Variants in FRYL observed in about 807,000 individuals in gnomAD.
The protein encoded by FRYL is protein furry homolog-like.
Under a neutral mutation model 351.2 loss-of-function variants are expected in FRYL, and 150 were observed. That is an observed-to-expected ratio of 0.43 (90% CI 0.37 to 0.49). The LOEUF is 0.49. Ranked by LOEUF, FRYL falls within the 20% of genes least tolerant of loss-of-function variation. The pLI is 0.00. For missense variants in FRYL, 3,036 were observed against 3,619.3 expected (o/e 0.84, Z 4.13); for synonymous variants, 1,153 against 1,257.1 (o/e 0.92, Z 1.75).
intron 2 of FRYL, among the ~76,000 whole-genome samples, chr4:48,694,450 C>G (rs1042397807): frequency 3.3e-5 from 5 of 152,002 alleles, no homozygotes; most frequent in African/African-American, 1.2e-4. Context: ...GCATGTGCCA[C>G]TGCGCCCAGC....
intron 2 of FRYL, among the ~76,000 whole-genome samples, chr4:48,687,071 G>A (rs1197712942): frequency 6.6e-6 from 1 of 152,100 alleles, no homozygotes. Flanking sequence ...TTACTTGCAG[G>A]ACAATCACTT....
intron 3 of FRYL, among the ~76,000 whole-genome samples, chr4:48,662,968 T>A (rs1342441511): frequency 6.6e-6 from 1 of 151,856 alleles, no homozygotes. Context: ...CTACAAAAAA[T>A]AAAAAAGAAG....
At chr4:48,610,833 TATAC>T (rs1748016949) in intron 7 of FRYL, among the ~76,000 whole-genome samples, 1 of 149,474 alleles carries the variant, frequency 6.7e-6, no homozygotes, top group South Asian at 2.1e-4. Flanking sequence ...ACTCAATATG[TATAC>T]ATATATACAC....
At chr4:48,531,755 G>A (rs1466490101) in intron 49 of FRYL, among the ~76,000 whole-genome samples, 1 of 152,174 alleles carries the variant, frequency 6.6e-6, no homozygotes, top group Non-Finnish European at 1.5e-5. Context: ...AGTCTTTGCA[G>A]ATAAAAATTT....
rs1718778786 is a variant in FRYL at position 48,498,004 on chromosome 4, G to C, written c.*1418C>G. ...AGCCCAGTTTAAAAGAAAAGTCACAGTGGATAAGAGATGTATATAAAAAAT... is the reference window on the plus strand; with the variant it reads ...AGCCCAGTTTAAAAGAAAAGTCACACTGGATAAGAGATGTATATAAAAAAT... On this transcript the variant is annotated 3_prime_UTR_variant, in exon 64 of 64. Transcript: ENST00000358350. The C allele has an allele frequency of 1.3e-5, 2 of 152,116 alleles. No homozygotes were observed. The highest frequency in any genetic ancestry group is 1.3e-4 in the Admixed American group (2 of 15,238). 9.4% of individuals were successfully genotyped at this position (152,116 alleles called of 1,614,324 possible).
At chr4:48,635,871 C>T (rs1754130300) in intron 3 of FRYL, among the ~76,000 whole-genome samples, 1 of 152,038 alleles carries the variant, frequency 6.6e-6, no homozygotes, top group Non-Finnish European at 1.5e-5. Flanking sequence ...CACTGATTTC[C>T]TGTGTTTGTG....
intron 3 of FRYL, among the ~76,000 whole-genome samples, chr4:48,650,733 C>T (rs990921439): frequency 2.0e-5 from 3 of 152,094 alleles, no homozygotes; most frequent in Admixed American, 1.3e-4. Flanking sequence ...AAGGGAGGGA[C>T]ATGAAGAGCC....
intron 45 of FRYL, among the ~76,000 whole-genome samples, chr4:48,541,766 T>A (rs1409512845): frequency 6.6e-6 from 1 of 152,140 alleles, no homozygotes; most frequent in Non-Finnish European, 1.5e-5. Context: ...AACAGGATGC[T>A]GAATCCTGAA....
At chr4:48,708,894 T>G (rs539914334) in intron 2 of FRYL, among the ~76,000 whole-genome samples, 19 of 148,860 alleles carry the variant, frequency 1.3e-4, no homozygotes, top group African/African-American at 4.2e-4. Context: ...ACACTTAGCT[T>G]CAAAAGGTAT....
chr4:48,758,469 C>T (rs1294656743), intron 1 of FRYL, among the ~76,000 whole-genome samples: 3 of 152,182 alleles, frequency 2.0e-5, no homozygotes, highest in Non-Finnish European at 4.4e-5. Context: ...AGCCAACAGA[C>T]ACATGAAAAA....
chr4:48,572,848 T>A (rs1411056649), intron 26 of FRYL, among the ~76,000 whole-genome samples: 2 of 152,202 alleles, frequency 1.3e-5, no homozygotes, highest in South Asian at 2.1e-4. Flanking sequence ...CTCCTTTTTT[T>A]ATGTAGTTTA....
Position 48,515,400 on chromosome 4 carries a change from T to TC in FRYL, c.7690-126dup. On this transcript the variant is annotated intron_variant, in intron 55 of 63. Coordinates refer to ENST00000358350, the MANE Select transcript of FRYL (RefSeq NM_015030.2). The stretch of plus-strand genomic sequence containing the variant: ...AAGTGGTGTTCATTTATACAGTCTG[T>TC]CACCCAGGCTGGAGTGGAGTGCAAT... 9 of 708,500 alleles carry TC rather than the reference T, an allele frequency of 1.3e-5. No homozygotes were observed. In the South Asian group the frequency reaches 1.8e-4, roughly 14 times the overall value. 43.9% of individuals were successfully genotyped at this position (708,500 alleles called of 1,614,324 possible). A position where few individuals can be genotyped will look rare whatever the true frequency, so the allele number is the denominator to read the frequency against.
In FRYL at chr4:48,618,012, A is replaced by T. The variant is rs1262612414; in HGVS notation, c.411+1262T>A. 3 of 152,252 alleles carry T rather than the reference A, an allele frequency of 2.0e-5. No individual in the cohort carries two copies. In the East Asian group the frequency reaches 5.8e-4, roughly 29 times the overall value. The allele number at this position is 152,252 out of a possible 1,614,324, so 9.4% of individuals were successfully genotyped here. On this transcript the variant is annotated intron_variant, in intron 7 of 63. Transcript: ENST00000358350. ...GATACACCAGGGATAAATCACAATG[A>T]GCAGTAGTCAGAGTCCATTGCTGGG...
At chr4:48,516,612 C>T (rs934035494) in intron 55 of FRYL, among the ~76,000 whole-genome samples, 8 of 152,082 alleles carry the variant, frequency 5.3e-5, no homozygotes, top group African/African-American at 1.7e-4. Flanking sequence ...AAAGTCAGAG[C>T]CTATAACCCT....
chr4:48,610,391 C>T (rs750748427), intron 7 of FRYL, among the ~76,000 whole-genome samples: 1 of 151,866 alleles, frequency 6.6e-6, no homozygotes, highest in Non-Finnish European at 1.5e-5. Context: ...CCCTACTCCT[C>T]CACCACATAT....
intron 1 of FRYL, among the ~76,000 whole-genome samples, chr4:48,736,850 G>GAAAAAAAAA (rs368006420): frequency 3.4e-3 from 137 of 39,940 alleles, no homozygotes; most frequent in Non-Finnish European, 4.5e-3. Flanking sequence ...ACTCTGTCTC[G>GAAAAAAAAA]AAAAAAAAAA....
At chr4:48,537,041 G>A (rs1729046050) in intron 47 of FRYL, among the ~76,000 whole-genome samples, 2 of 151,736 alleles carry the variant, frequency 1.3e-5, no homozygotes, top group Admixed American at 1.3e-4. Context: ...ACAGACACCA[G>A]AAAGAAAAAG....
intron 46 of FRYL, 97 bp downstream of exon 46, chr4:48,540,256 T>C (rs1729874047): frequency 7.2e-7 from 1 of 1,392,190 alleles, no homozygotes; most frequent in Non-Finnish European, 9.6e-7. Context: ...CTATGACTAT[T>C]TGCAAAAAGC....
At chr4:48,723,405 A>G (rs1769711146) in intron 1 of FRYL, among the ~76,000 whole-genome samples, 1 of 152,126 alleles carries the variant, frequency 6.6e-6, no homozygotes, top group Non-Finnish European at 1.5e-5. Context: ...AGCCTCCCAG[A>G]GTGCTGGGAT....
Sources: gnomAD v4.1 joint callset for allele counts (sites outside exome capture counted in the v4.1 genomes callset) on GRCh38, gnomAD v4.1.1 for gene constraint, MANE v1.5 for transcripts, NCBI Gene and HGNC (gene_info 2026-07-23, HGNC 2026-07-21) for gene names.